ABCG8: variants seen among roughly 807,000 people sequenced by gnomAD.
ABCG8 encodes the protein ATP-binding cassette sub-family G member 8.
ABCG8 carries 81 observed loss-of-function variants against 71.3 expected under a neutral mutation model. The ratio of observed to expected loss-of-function variants is 1.14; its 90% CI spans 0.95 to 1.37. The LOEUF is 1.37. Ranked by LOEUF, ABCG8 falls within the 40% of genes most tolerant of loss-of-function variation. The pLI is 0.00. For synonymous variants in ABCG8, 451 were observed against 354.7 expected (o/e 1.27, Z -3.05); for missense variants, 1,119 against 866.2 (o/e 1.29, Z -3.66).
At chr2:43,867,611 C>G (rs550830352) in intron 6 of ABCG8, among the ~76,000 whole-genome samples, 1 of 152,068 alleles carries the variant, frequency 6.6e-6, no homozygotes, top group Admixed American at 6.5e-5. Context: ...GGATAGAATT[C>G]TCAATCTCTG....
At chr2:43,867,977 A>ATCTGGATAGAATGCTCACTC (rs1669593903) in intron 6 of ABCG8, among the ~76,000 whole-genome samples, 1 of 151,308 alleles carries the variant, frequency 6.6e-6, no homozygotes, top group Non-Finnish European at 1.5e-5. Flanking sequence ...AACTCTCACT[A>ATCTGGATAGAATGCTCACTC]TCTGGATAGA....
At chr2:43,873,095 T>C (rs532913112) in intron 8 of ABCG8, among the ~76,000 whole-genome samples, 1 of 152,228 alleles carries the variant, frequency 6.6e-6, no homozygotes, top group African/African-American at 2.4e-5. Flanking sequence ...AGTCTAGCCA[T>C]AATCACCCAC....
intron 6 of ABCG8, 144 bp downstream of exon 6, chr2:43,853,012 G>A: frequency 9.2e-7 from 1 of 1,087,596 alleles, no homozygotes; most frequent in Non-Finnish European, 1.3e-6. Flanking sequence ...GAAGAACATG[G>A]GGTGGTTTGC....
intron 6 of ABCG8, among the ~76,000 whole-genome samples, chr2:43,854,289 T>G (rs1333206656): frequency 6.6e-6 from 1 of 152,152 alleles, no homozygotes; most frequent in South Asian, 2.1e-4. Flanking sequence ...TCATGGTTTA[T>G]AAGACCCCAC....
chr2:43,839,136 T>C lies in ABCG8; in HGVS notation c.63+20T>C, dbSNP rs1668467032. ...ACCTCGGTGAGTGAGCAATGGGAAGTCGGCCCAGGCCTGGTGGGCGGGTAG... is the reference window on the plus strand; with the variant it reads ...ACCTCGGTGAGTGAGCAATGGGAAGCCGGCCCAGGCCTGGTGGGCGGGTAG... On this transcript the variant is annotated intron_variant, in intron 1 of 12. Coordinates refer to ENST00000272286, the MANE Select transcript of ABCG8 (RefSeq NM_022437.3). 6 of 1,550,834 alleles carry C rather than the reference T, an allele frequency of 3.9e-6. No homozygotes were observed. The highest frequency in any genetic ancestry group is 5.2e-6 in the Non-Finnish European group (6 of 1,146,666).
At chr2:43,850,083 G>A (rs902742580) in intron 3 of ABCG8, among the ~76,000 whole-genome samples, 4 of 152,078 alleles carry the variant, frequency 2.6e-5, no homozygotes, top group African/African-American at 7.2e-5. Flanking sequence ...GTGGTGGCAG[G>A]CATGGTGGCA....
At chr2:43,844,316 A>G (rs1225108228) in intron 1 of ABCG8, among the ~76,000 whole-genome samples, 191 bp from the exon 2 acceptor site, 1 of 152,088 alleles carries the variant, frequency 6.6e-6, no homozygotes, top group Non-Finnish European at 1.5e-5. Context: ...GGAAGAGGAG[A>G]TGGGCCCTTG....
intron 1 of ABCG8, among the ~76,000 whole-genome samples, chr2:43,839,419 T>C: frequency 4.0e-5 from 1 of 25,100 alleles, no homozygotes; most frequent in Non-Finnish European, 7.4e-5. Context: ...TTTTTTTTTT[T>C]TTTTTTTTTT....
At chr2:43,847,892 C>G (rs1668794820) in intron 3 of ABCG8, 1 of 151,646 alleles carries the variant, frequency 6.6e-6, no homozygotes, top group Non-Finnish European at 1.5e-5. Flanking sequence ...TCCCAAGTAG[C>G]TGGGATTACA....
chr2:43,846,214 G>A lies in ABCG8; in HGVS notation c.225G>A (p.Trp75Ter). The A allele has an allele frequency of 6.2e-7, 1 of 1,614,108 alleles. No individual in the cohort carries two copies. Among genetic ancestry groups the A allele is most frequent in the Non-Finnish European group, 8.5e-7 (1 of 1,180,026 alleles). Residue 75 changes from tryptophan (W) to a stop codon, truncating the protein, a stop_gained, in exon 3 of 13, where the codon TGG becomes TGA. Coordinates refer to ENST00000272286, the MANE Select transcript of ABCG8 (RefSeq NM_022437.3). LOFTEE classifies it high-confidence loss of function. Reference sequence around the variant, plus strand: ...AGCTGGCTCAGTTCAAGATGCCCTGGACATCTCCCAGCTGCCAGAATTCTT... The same window carrying A: ...AGCTGGCTCAGTTCAAGATGCCCTGAACATCTCCCAGCTGCCAGAATTCTT... Reference protein sequence around the residue: ...FEQLAQFKMPWTSPSCQNSCE... With the variant: ...FEQLAQFKMP
Position 43,877,354 on chromosome 2 carries a change from G to A in ABCG8, c.1757-207G>A, listed in dbSNP as rs547323294. 5.3e-5 allele frequency among the ~76,000 whole-genome samples: 8 copies of A among 151,534 alleles called. No individual in the cohort carries two copies. In the South Asian group the frequency reaches 1.7e-3, roughly 32 times the overall value. On this transcript the variant is annotated intron_variant, in intron 11 of 12. Coordinates refer to ENST00000272286, the MANE Select transcript of ABCG8 (RefSeq NM_022437.3). ...AATATAAAGGAGATCGTGGGAATATGGGGAGATCGTGCGAATATGGGGAGC... is the reference window on the plus strand; with the variant it reads ...AATATAAAGGAGATCGTGGGAATATAGGGAGATCGTGCGAATATGGGGAGC...
Position 43,880,709 on chromosome 2 carries a change from T to G in ABCG8, c.*2796T>G, listed in dbSNP as rs1572874569. The G allele has an allele frequency of 6.6e-6, 1 of 152,260 alleles. No individual in the cohort carries two copies. Among genetic ancestry groups the G allele is most frequent in the South Asian group, 2.1e-4 (1 of 4,826 alleles). The allele number at this position is 152,260 out of a possible 1,614,324, so 9.4% of individuals were successfully genotyped here. A position where few individuals can be genotyped will look rare whatever the true frequency, so the allele number is the denominator to read the frequency against. On this transcript the variant is annotated 3_prime_UTR_variant, in exon 13 of 13. Transcript: ENST00000272286. ...GCATACATATACACCTAAGTACACA[T>G]GAGTTTACTCTGATAACATCCATTT...
At chr2:43,856,111 T>C (rs1357474608) in intron 6 of ABCG8, among the ~76,000 whole-genome samples, 2 of 152,020 alleles carry the variant, frequency 1.3e-5, no homozygotes, top group African/African-American at 2.4e-5. Context: ...TATAGAATTC[T>C]CACACTCTGG....
At chr2:43,871,623 C>A (rs1489691666) in intron 6 of ABCG8, among the ~76,000 whole-genome samples, 1 of 152,212 alleles carries the variant, frequency 6.6e-6, no homozygotes, top group Non-Finnish European at 1.5e-5. Context: ...CAGAGCATGA[C>A]TGTCATGTGG....
At position 43,875,252 on chromosome 2, in the gene ABCG8, T is replaced by G. The variant is rs777150682; in HGVS notation, c.1595T>G (p.Phe532Cys). 1 of 1,614,232 alleles carries G rather than the reference T, an allele frequency of 6.2e-7. No individual in the cohort carries two copies. Among genetic ancestry groups the G allele is most frequent in the South Asian group, 1.1e-5 (1 of 91,088 alleles). The change falls in exon 11 of 13, where the codon TTC (phenylalanine) becomes TGC (cysteine). Residue 532 changes from phenylalanine to cysteine, a missense_variant. By Grantham distance (205) the Phe-to-Cys change is radical. Transcript: ENST00000272286. ...RPGLQPFLLH[F>C]LLVWLVVFCC... The stretch of plus-strand genomic sequence containing the variant: ...GGCCTCCAGCCCTTCCTGCTGCACT[T>G]CCTGCTGGTGTGGCTGGTGGTCTTC...
At chr2:43,840,748 C>A (rs1009933176) in intron 1 of ABCG8, among the ~76,000 whole-genome samples, 1 of 152,136 alleles carries the variant, frequency 6.6e-6, no homozygotes. Flanking sequence ...ACTTCCAGCC[C>A]GAGCCACAAC....
chr2:43,851,282 G>T (rs1048539177), intron 3 of ABCG8, among the ~76,000 whole-genome samples: 1 of 152,204 alleles, frequency 6.6e-6, no homozygotes, highest in African/African-American at 2.4e-5. Flanking sequence ...TGGCCCTGTG[G>T]CATCTAGGAC....
intron 6 of ABCG8, among the ~76,000 whole-genome samples, chr2:43,870,888 C>G (rs978892903): frequency 1.1e-4 from 17 of 152,032 alleles, no homozygotes; most frequent in African/African-American, 2.9e-4. Flanking sequence ...AGATCTCTCA[C>G]TGTCTGTCTG....
chr2:43,864,990 A>G (rs183962714), intron 6 of ABCG8, among the ~76,000 whole-genome samples: 8 of 149,290 alleles, frequency 5.4e-5, no homozygotes, highest in Admixed American at 4.0e-4. Context: ...CTGACTATGT[A>G]TCTGGATAGA....
Sources: gnomAD v4.1 joint callset for allele counts (sites outside exome capture counted in the v4.1 genomes callset) on GRCh38, gnomAD v4.1.1 for gene constraint, MANE v1.5 for transcripts, NCBI Gene and HGNC (gene_info 2026-07-23, HGNC 2026-07-21) for gene names.